Variants in PRKN observed in about 807,000 individuals in gnomAD.
PRKN encodes the protein E3 ubiquitin-protein ligase parkin.
A neutral mutation model predicts 59.5 loss-of-function variants in PRKN; 56 were observed. The ratio of observed to expected loss-of-function variants is 0.94; its 90% confidence interval spans 0.76 to 1.18. PRKN has a LOEUF of 1.18. PRKN is among the 50% of genes most tolerant of loss of function. The pLI is 0.00. For missense variants in PRKN, 657 were observed against 596.4 expected (o/e 1.10, Z -1.06); for synonymous variants, 250 against 222.1 (o/e 1.13, Z -1.12).
intron 1 of PRKN, among the ~76,000 whole-genome samples, chr6:162,456,078 T>C (rs1790858775): frequency 6.6e-6 from 1 of 152,158 alleles, no homozygotes; most frequent in Admixed American, 6.6e-5. Flanking sequence ...GGAGTAATTA[T>C]GACAAATATT....
chr6:161,367,228 G>T (rs964991987), intron 10 of PRKN, among the ~76,000 whole-genome samples: 2 of 151,802 alleles, frequency 1.3e-5, no homozygotes, highest in African/African-American at 4.8e-5. Flanking sequence ...TGATCCACCC[G>T]CCTCGGCCTC....
chr6:162,174,432 G>A (rs1783440784), intron 4 of PRKN, among the ~76,000 whole-genome samples: 1 of 152,056 alleles, frequency 6.6e-6, no homozygotes, highest in Non-Finnish European at 1.5e-5. Context: ...GGTTCTGAGT[G>A]CACACAGAAC....
At chr6:162,354,589 T>C (rs1784765464) in intron 2 of PRKN, among the ~76,000 whole-genome samples, 1 of 152,076 alleles carries the variant, frequency 6.6e-6, no homozygotes, top group Non-Finnish European at 1.5e-5. Flanking sequence ...CTGGAAAAGC[T>C]AGAGTAAGTG....
chr6:162,244,854 T>A (rs1200467488), intron 3 of PRKN, among the ~76,000 whole-genome samples: 1 of 152,068 alleles, frequency 6.6e-6, no homozygotes, highest in Non-Finnish European at 1.5e-5. Context: ...CTCAATATCT[T>A]TTAGCTATGA....
intron 5 of PRKN, among the ~76,000 whole-genome samples, chr6:161,988,216 C>T (rs1332937409): frequency 1.3e-5 from 2 of 152,038 alleles, no homozygotes; most frequent in Non-Finnish European, 2.9e-5. Context: ...TTCTTCAGGG[C>T]TGGGCATGGT....
At chr6:161,787,248 A>G (rs1013203322) in intron 6 of PRKN, among the ~76,000 whole-genome samples, 1 of 152,230 alleles carries the variant, frequency 6.6e-6, no homozygotes, top group African/African-American at 2.4e-5. Context: ...ACTTCAAAGC[A>G]ATATGTAATA....
At chr6:162,334,028 C>A (rs1783715082) in intron 2 of PRKN, among the ~76,000 whole-genome samples, 1 of 152,140 alleles carries the variant, frequency 6.6e-6, no homozygotes. Flanking sequence ...TAATCTAAAG[C>A]AAGGCCCCAA....
intron 1 of PRKN, among the ~76,000 whole-genome samples, chr6:162,509,419 A>G (rs560080644): frequency 1.3e-5 from 2 of 152,308 alleles, no homozygotes; most frequent in Admixed American, 6.5e-5. Flanking sequence ...TATTCCCTGA[A>G]TATTTAAATG....
Position 161,414,399 on chromosome 6 carries a change from C to T in PRKN, c.1084-27522G>A, listed in dbSNP as rs1787744077. On this transcript the variant is annotated intron_variant, in intron 9 of 11. Coordinates refer to ENST00000366898, the MANE Select transcript of PRKN (RefSeq NM_004562.3). This position sits in a 1 kb window ranked among gnomAD's most constrained non-coding sequence, Gnocchi z 5.3. ...CACCCGAGGCCCCAGGCAAAGGTTT[C>T]TGCCTGAGACAGTCCTTGGCCTCCA... 6.6e-6 allele frequency among the ~76,000 whole-genome samples: 1 copy of T among 152,202 alleles called. No homozygotes were observed. Among genetic ancestry groups the T allele is most frequent in the Admixed American group, 6.5e-5 (1 of 15,286 alleles).
At position 162,248,575 on chromosome 6, in the gene PRKN, C is replaced by A. The variant is rs144744900; in HGVS notation, c.412+13950G>T. 9.4e-4 allele frequency among the ~76,000 whole-genome samples: 143 copies of A among 152,224 alleles called. 3 individuals carry two copies. The East Asian group carries it at 0.023, about 25-fold the overall frequency. ...CTACTGATACTTCAAAGAATAGACT[C>A]TTGGGTACTGGCGTTAGAGCTGACA... On this transcript the variant is annotated intron_variant, in intron 3 of 11. Coordinates refer to ENST00000366898, the MANE Select transcript of PRKN (RefSeq NM_004562.3).
intron 9 of PRKN, among the ~76,000 whole-genome samples, chr6:161,452,185 C>T (rs907256116): frequency 1.4e-5 from 2 of 146,844 alleles, no homozygotes; most frequent in Non-Finnish European, 3.0e-5. Flanking sequence ...AAGTCCTGAT[C>T]TCAAGTGATC....
At chr6:162,680,803 GTGAATCATT>G (rs1193349469) in intron 1 of PRKN, among the ~76,000 whole-genome samples, 1 of 152,070 alleles carries the variant, frequency 6.6e-6, no homozygotes, top group Non-Finnish European at 1.5e-5. Context: ...GCAATCTTCA[GTGAATCATT>G]TTCTGACCAC....
chr6:162,596,992 T>C (rs1270942902), intron 1 of PRKN, among the ~76,000 whole-genome samples: 1 of 152,138 alleles, frequency 6.6e-6, no homozygotes, highest in Non-Finnish European at 1.5e-5. Context: ...CTTCAAGAAA[T>C]GCAGGGCTCC....
intron 6 of PRKN, among the ~76,000 whole-genome samples, chr6:161,901,934 C>T (rs961598262): frequency 6.6e-6 from 1 of 152,026 alleles, no homozygotes; most frequent in Non-Finnish European, 1.5e-5. Flanking sequence ...AGTGGGATGC[C>T]GAGTCATGGA....
At chr6:161,902,033 C>A (rs114318311) in intron 6 of PRKN, among the ~76,000 whole-genome samples, 176 of 152,290 alleles carry the variant, frequency 1.2e-3, no homozygotes, top group African/African-American at 4.0e-3. Flanking sequence ...ATGGTACTTT[C>A]TTCCCAAACG....
intron 9 of PRKN, among the ~76,000 whole-genome samples, chr6:161,408,847 A>G (rs2114997600): frequency 6.6e-6 from 1 of 152,280 alleles, no homozygotes; most frequent in South Asian, 2.1e-4. Context: ...TCTTATCTAA[A>G]ATGAGGTGGA....
At position 161,556,268 on chromosome 6, in the gene PRKN, T is replaced by G. The variant is rs541735774; in HGVS notation, c.934-7265A>C. Among the ~76,000 whole-genome samples, 3 of 152,340 alleles carry G rather than the reference T, an allele frequency of 2.0e-5. No individual in the cohort carries two copies. The South Asian group carries it at 6.2e-4, about 32-fold the overall frequency. Reference sequence around the variant, plus strand: ...CTTTTTCAAAGGAAGACAAATATTTTAACATATGCGCCTGGGAATTTCTGA... The same window carrying G: ...CTTTTTCAAAGGAAGACAAATATTTGAACATATGCGCCTGGGAATTTCTGA... On this transcript the variant is annotated intron_variant, in intron 8 of 11. Coordinates refer to ENST00000366898, the MANE Select transcript of PRKN (RefSeq NM_004562.3).
intron 2 of PRKN, chr6:162,270,390 A>G (rs2128102880): frequency 6.6e-6 from 1 of 152,310 alleles, no homozygotes; most frequent in South Asian, 2.1e-4. Context: ...AGTGAGGGAT[A>G]AAATACAACA....
intron 4 of PRKN, among the ~76,000 whole-genome samples, chr6:162,192,066 T>C (rs1461637545): frequency 6.6e-6 from 1 of 152,222 alleles, no homozygotes; most frequent in Admixed American, 6.5e-5. Context: ...GAGAACCTTA[T>C]TTTTTCTTTT....
Sources: gnomAD v4.1 joint callset for allele counts (sites outside exome capture counted in the v4.1 genomes callset) on GRCh38, gnomAD v4.1.1 for gene constraint, Gnocchi (gnomAD v3.1) non-coding constraint, MANE v1.5 for transcripts, NCBI Gene and HGNC (gene_info 2026-07-23, HGNC 2026-07-21) for gene names.